KCNMB2: variants seen among roughly 807,000 people sequenced by gnomAD.
KCNMB2 encodes calcium-activated potassium channel subunit beta-2.
A neutral mutation model predicts 24.5 loss-of-function variants in KCNMB2; 9 were observed. The ratio of observed to expected loss-of-function variants is 0.37; its 90% confidence interval spans 0.22 to 0.64. The LOEUF is 0.64. KCNMB2 is among the 30% of genes least tolerant of loss of function. The probability of loss-of-function intolerance (pLI) is 0.63; values close to 1 mark genes in which losing one functional copy is unlikely to be tolerated. For synonymous variants in KCNMB2, 109 were observed against 104.4 expected, an observed-to-expected ratio of 1.04 and a Z score of -0.27; for missense variants, 226 against 284.3, an observed-to-expected ratio of 0.79 and a Z score of 1.47.
At chr3:178,832,224 C>CA (rs1369617829) in intron 4 of KCNMB2, among the ~76,000 whole-genome samples, 1 of 152,096 alleles carries the variant, frequency 6.6e-6, no homozygotes, top group East Asian at 1.9e-4. Flanking sequence ...TGGAAGGACA[C>CA]ATTCACTGAG....
At chr3:178,755,515 A>G (rs1724001300) in intron 1 of KCNMB2, among the ~76,000 whole-genome samples, 1 of 152,224 alleles carries the variant, frequency 6.6e-6, no homozygotes, top group African/African-American at 2.4e-5. Flanking sequence ...CTGTGGGACC[A>G]TAGCCACCCT....
At chr3:178,730,403 A>ACTC (rs1395897447) in intron 1 of KCNMB2, among the ~76,000 whole-genome samples, 1 of 78,392 alleles carries the variant, frequency 1.3e-5, no homozygotes, top group Non-Finnish European at 2.5e-5. Flanking sequence ...CTGTCCCCCA[A>ACTC]CACCCCCCCA....
At chr3:178,567,067 C>A (rs114586206) in intron 1 of KCNMB2, among the ~76,000 whole-genome samples, 6 of 152,236 alleles carry the variant, frequency 3.9e-5, no homozygotes, top group African/African-American at 9.6e-5. Flanking sequence ...TTCAAATGAG[C>A]GTATCGTGAC....
At chr3:178,797,327 T>C (rs1254009712) in intron 1 of KCNMB2, among the ~76,000 whole-genome samples, 1 of 152,096 alleles carries the variant, frequency 6.6e-6, no homozygotes, top group Non-Finnish European at 1.5e-5. Context: ...CTAATACCAA[T>C]GCTACTCAAA....
At chr3:178,542,538 A>G (rs1437311291) in intron 1 of KCNMB2, among the ~76,000 whole-genome samples, 3 of 152,230 alleles carry the variant, frequency 2.0e-5, no homozygotes, top group Non-Finnish European at 4.4e-5. Context: ...CTACTATGCT[A>G]TCAAAATTTA....
intron 1 of KCNMB2, among the ~76,000 whole-genome samples, chr3:178,764,784 T>C (rs942751870): frequency 6.6e-6 from 1 of 152,162 alleles, no homozygotes; most frequent in African/African-American, 2.4e-5. Flanking sequence ...CAGAGTGACA[T>C]GCATATATAG....
rs777361786 is a variant in KCNMB2, at chr3:178,842,888, C to T, written c.659C>T (p.Thr220Ile). The T allele has an allele frequency of 3.1e-6, 5 of 1,613,812 alleles. No individual in the cohort carries two copies. The highest frequency in any genetic ancestry group is 1.7e-5 in the Admixed American group (1 of 59,978). The change falls in exon 5 of 5, where the codon ACA becomes ATA. Residue 220 changes from threonine to isoleucine, a missense_variant. Coordinates refer to ENST00000452583, the MANE Select transcript of KCNMB2 (RefSeq NM_181361.3). The stretch of plus-strand genomic sequence containing the variant: ...GCAATTGTTGCCATGGTGAAACTTA[C>T]ACAGTACCTCTCCCTACTATGTGAG... Reference protein sequence around the residue: ...GVAIVAMVKLTQYLSLLCERI... With the variant: ...GVAIVAMVKLIQYLSLLCERI...
chr3:178,575,168 G>A (rs917629417), intron 1 of KCNMB2, among the ~76,000 whole-genome samples: 2 of 152,182 alleles, frequency 1.3e-5, no homozygotes, highest in Non-Finnish European at 1.5e-5. Flanking sequence ...AAATTCAACT[G>A]TGATAAATAC....
At chr3:178,702,010 T>C (rs1457085006) in intron 1 of KCNMB2, among the ~76,000 whole-genome samples, 2 of 151,994 alleles carry the variant, frequency 1.3e-5, no homozygotes, top group Non-Finnish European at 2.9e-5. Context: ...CTACTCACAA[T>C]AGCAAAGACT....
chr3:178,759,782 C>A (rs190198259), intron 1 of KCNMB2, among the ~76,000 whole-genome samples: 335 of 12,668 alleles, frequency 0.026, 36 homozygotes, highest in Middle Eastern at 0.1. Flanking sequence ...GAGGATATAT[C>A]TATATATATA....
At chr3:178,568,479 T>C (rs1191872425) in intron 1 of KCNMB2, among the ~76,000 whole-genome samples, 1 of 152,166 alleles carries the variant, frequency 6.6e-6, no homozygotes, top group Non-Finnish European at 1.5e-5. Context: ...CAGTGATATC[T>C]TGAACACTCA....
chr3:178,758,529 T>TATATATATATATATCCAAGAGGAG (rs1724322045), intron 1 of KCNMB2, among the ~76,000 whole-genome samples: 2 of 31,878 alleles, frequency 6.3e-5, no homozygotes, highest in African/African-American at 3.4e-4. Context: ...AGGAGATGTA[T>TATATATATATATATCCAAGAGGAG]ATATATATAT....
At chr3:178,735,331 G>A (rs998833383) in intron 1 of KCNMB2, among the ~76,000 whole-genome samples, 1 of 114,200 alleles carries the variant, frequency 8.8e-6, no homozygotes, top group Admixed American at 8.6e-5. Context: ...TCACTCCAGG[G>A]TGCCAAGAAA....
intron 1 of KCNMB2, among the ~76,000 whole-genome samples, chr3:178,624,733 G>A (rs1480124316): frequency 6.6e-6 from 1 of 152,006 alleles, no homozygotes. Flanking sequence ...GGGGGCTCAG[G>A]GAGGGGTGGG....
At chr3:178,557,454 C>T (rs1470511780) in intron 1 of KCNMB2, among the ~76,000 whole-genome samples, 6 of 152,150 alleles carry the variant, frequency 3.9e-5, no homozygotes, top group African/African-American at 1.4e-4. Flanking sequence ...GAGATGCTTA[C>T]ATTGAGGGTG....
At chr3:178,801,165 A>G (rs1208059006) in intron 1 of KCNMB2, among the ~76,000 whole-genome samples, 1 of 152,150 alleles carries the variant, frequency 6.6e-6, no homozygotes, top group East Asian at 1.9e-4. Context: ...ACATTTTAAA[A>G]TAACTAAAAG....
At chr3:178,571,447 GATATATATATATAT>G (rs71181237) in intron 1 of KCNMB2, among the ~76,000 whole-genome samples, 32,890 of 91,266 alleles carry the variant, frequency 0.36, 5,493 homozygotes, top group South Asian at 0.52. Context: ...TTTCCTTATG[GATATATATATATAT>G]ATATATATAT....
intron 2 of KCNMB2, among the ~76,000 whole-genome samples, chr3:178,823,913 T>C (rs79719383): frequency 6.6e-6 from 1 of 151,112 alleles, no homozygotes; most frequent in Non-Finnish European, 1.5e-5. Flanking sequence ...TGCCTGAAGC[T>C]AAAAAAAAAT....
chr3:178,600,401 C>T (rs1718036757), intron 1 of KCNMB2, among the ~76,000 whole-genome samples: 1 of 152,032 alleles, frequency 6.6e-6, no homozygotes, highest in South Asian at 2.1e-4. Flanking sequence ...TCTTTAAGAC[C>T]CTTCAATTAC....
Sources: allele counts gnomAD v4.1 joint callset (sites outside exome capture counted in the v4.1 genomes callset), GRCh38; gene constraint gnomAD v4.1.1; transcripts MANE v1.5; gene names NCBI Gene and HGNC (gene_info 2026-07-23, HGNC 2026-07-21).